ATP1B4: variants seen among roughly 807,000 people sequenced by gnomAD.
ATP1B4 encodes the protein ATPase Na+/K+ transporting family member beta 4.
A neutral mutation model predicts 29.6 loss-of-function variants in ATP1B4; 32 were observed. The observed-to-expected ratio is 1.08, with a 90% CI of 0.82 to 1.45. The LOEUF (loss-of-function observed/expected upper bound fraction) is 1.45, where lower values mean the gene tolerates loss of function less well. Among genes scored for constraint, ATP1B4 ranks in the 40% most tolerant of loss-of-function variants. The pLI is 0.00. For synonymous variants in ATP1B4, 127 were observed against 102.1 expected, an observed-to-expected ratio of 1.24 and a Z score of -1.47; for missense variants, 323 against 276.2, an observed-to-expected ratio of 1.17 and a Z score of -1.20.
Position 120,381,674 on chromosome X carries a change from C to A in ATP1B4, c.*2040C>A, listed in dbSNP as rs2058381759. On this transcript the variant is annotated 3_prime_UTR_variant, in exon 8 of 8. Coordinates refer to ENST00000218008, the MANE Select transcript of ATP1B4 (RefSeq NM_001142447.3). ...CCATGTTGGCCAGGCTGGTCTCGAA[C>A]TCCTGACCTCAAGTGATCCGCCTGC... The A allele has an allele frequency of 8.9e-6, 1 of 111,996 alleles. No homozygotes were observed. The highest frequency in any genetic ancestry group is 9.4e-5 in the Admixed American group (1 of 10,584). The allele number at this position is 111,996 out of a possible 1,213,427, so 9.2% of individuals were successfully genotyped here. A position where few individuals can be genotyped will look rare whatever the true frequency, so the allele number is the denominator to read the frequency against.
At chrX:120,367,890 C>T (rs1271987530) in intron 2 of ATP1B4, among the ~76,000 whole-genome samples, 1 of 111,435 alleles carries the variant, frequency 9.0e-6, no homozygotes. Context: ...GACCATCCCA[C>T]AAACTCTCAA....
Position 120,371,161 on chromosome X carries a change from A to T in ATP1B4, c.513A>T (p.Glu171Asp), listed in dbSNP as rs774417121. Residue 171 changes from glutamate to aspartate, a missense_variant, in exon 4 of 8, where the codon GAA becomes GAT. Physicochemically the swap from Glu to Asp is conservative, Grantham distance 45. Coordinates refer to ENST00000218008, the MANE Select transcript of ATP1B4 (RefSeq NM_001142447.3). ...HSLNFNFNVS[E>D]PDTWQHYVIS... ...TTAACTTCAACTTCAACGTTTCTGA[A>T]CCCGACACTTGGCAGCATTATGTGA... The T allele has an allele frequency of 8.3e-7, 1 of 1,209,507 alleles. No homozygotes were observed. Among genetic ancestry groups the T allele is most frequent in the Admixed American group, 2.2e-5 (1 of 45,660 alleles).
chrX:120,362,704 C>T (rs1294510604), intron 1 of ATP1B4, among the ~76,000 whole-genome samples: 1 of 111,706 alleles, frequency 9.0e-6, no homozygotes, highest in Non-Finnish European at 1.9e-5. Context: ...TAGCTAAAAT[C>T]ATAGAATCCC....
chrX:120,366,436 T>C, intron 1 of ATP1B4, 89 bp from the exon 2 acceptor site: 2 of 1,021,512 alleles, frequency 2.0e-6, no homozygotes, highest in Admixed American at 2.9e-5. Context: ...TCTCCAAATA[T>C]TGAGTCATTT....
chrX:120,380,703 C>T lies in ATP1B4; in HGVS notation c.*1069C>T, dbSNP rs1834145742. 1 of 112,280 alleles carries T rather than the reference C, an allele frequency of 8.9e-6. No individual in the cohort carries two copies. Among genetic ancestry groups the T allele is most frequent in the Admixed American group, 9.5e-5 (1 of 10,574 alleles). The allele number at this position is 112,280 out of a possible 1,213,427, so 9.3% of individuals were successfully genotyped here. On this transcript the variant is annotated 3_prime_UTR_variant, in exon 8 of 8. Transcript: ENST00000218008. Reference sequence around the variant, plus strand: ...CAGGGGTGGTTACATAGACCAGCAGCTACAGCTCTGGAAATTGAAATCATA... The same window carrying T: ...CAGGGGTGGTTACATAGACCAGCAGTTACAGCTCTGGAAATTGAAATCATA...
chrX:120,378,601 G>A (rs777609201), intron 6 of ATP1B4, 77 bp from the exon 7 acceptor site: 105 of 842,193 alleles, frequency 1.2e-4, no homozygotes, highest in Non-Finnish European at 1.8e-4. Context: ...GATTTCACCT[G>A]GGTACAACTC....
rs758708931 is a variant in ATP1B4, at chrX:120,365,896, A to G, written c.64-629A>G. Among the ~76,000 whole-genome samples, 6 of 111,919 alleles carry G rather than the reference A, an allele frequency of 5.4e-5. No homozygotes were observed. In the East Asian group the frequency reaches 1.7e-3, roughly 31 times the overall value. On this transcript the variant is annotated intron_variant, in intron 1 of 7. Transcript: ENST00000218008. ...AGCTCTCAGATGGTCTTTCCAACCAATTTAAGGTAGGAAGAGATTCAAACT... is the reference window on the plus strand; with the variant it reads ...AGCTCTCAGATGGTCTTTCCAACCAGTTTAAGGTAGGAAGAGATTCAAACT...
At chrX:120,367,319 A>G (rs932913459) in intron 2 of ATP1B4, among the ~76,000 whole-genome samples, 6 of 112,289 alleles carry the variant, frequency 5.3e-5, no homozygotes, top group Non-Finnish European at 1.1e-4. Flanking sequence ...ATGAGGCCCC[A>G]TCACCTGGTA....
Position 120,366,632 on chromosome X carries a change from GGAGGAGAAAGAA to G in ATP1B4, c.178_189del (p.Lys60_Glu63del). Reference sequence around the variant, plus strand: ...CCAAATCGGAGGAGGAGGAAGAAGAGGAGGAGAAAGAAGAGGAGGAAGAGGAGGAAAAGGAGG... The same window carrying G: ...CCAAATCGGAGGAGGAGGAAGAAGAGGAGGAGGAAGAGGAGGAAAAGGAGG... On this transcript the variant is annotated inframe_deletion, in exon 2 of 8. Transcript: ENST00000218008. 4 of 1,207,229 alleles carry G rather than the reference GGAGGAGAAAGAA, an allele frequency of 3.3e-6. No individual in the cohort carries two copies. The highest frequency in any genetic ancestry group is 4.5e-6 in the Non-Finnish European group (4 of 891,823).
chrX:120,379,555 A>C lies in ATP1B4; in HGVS notation c.995A>C (p.Lys332Thr). Reference sequence around the variant, plus strand: ...GCAGTGCCTGTGCAGTGCCAACTGAAGGGCAAAGGCGTCATAAATGATGTC... The same window carrying C: ...GCAGTGCCTGTGCAGTGCCAACTGACGGGCAAAGGCGTCATAAATGATGTC... ...NQAVPVQCQL[K>T]GKGVINDVIN... Residue 332 changes from lysine (K) to threonine (T), a missense_variant, in exon 8 of 8, where the codon AAG becomes ACG. Transcript: ENST00000218008. 8.3e-7 allele frequency: 1 copy of C among 1,211,397 alleles called. No individual in the cohort carries two copies. Among genetic ancestry groups the C allele is most frequent in the Non-Finnish European group, 1.1e-6 (1 of 895,173 alleles).
rs2147259767 is a variant in ATP1B4, at chrX:120,382,163, C to A, written c.*2529C>A. On this transcript the variant is annotated 3_prime_UTR_variant, in exon 8 of 8. Transcript: ENST00000218008. The stretch of plus-strand genomic sequence containing the variant: ...CCTAACAGTGTTTTTTCTCTTGTGG[C>A]AGAAAGAATTGCTGTTCCTCTTTGG... 9.0e-6 allele frequency: 1 copy of A among 111,398 alleles called. No homozygotes were observed. Among genetic ancestry groups the A allele is most frequent in the Non-Finnish European group, 1.9e-5 (1 of 53,076 alleles). The allele number at this position is 111,398 out of a possible 1,213,427, so 9.2% of individuals were successfully genotyped here.
chrX:120,375,342 A>C (rs764876218), intron 4 of ATP1B4, 30 bp from the exon 5 acceptor site: 1 of 1,176,689 alleles, frequency 8.5e-7, no homozygotes, highest in African/African-American at 1.8e-5. Context: ...CCTGTCTAAC[A>C]TAACCTGTTG....
In ATP1B4 at chrX:120,379,892, C is replaced by T. The variant is rs1261512253; in HGVS notation, c.*258C>T. On this transcript the variant is annotated 3_prime_UTR_variant, in exon 8 of 8. Coordinates refer to ENST00000218008, the MANE Select transcript of ATP1B4 (RefSeq NM_001142447.3). ...CACTTAAAACTAAAGCCTGTTCTTG[C>T]TGCTGGTAATCTCCCTGTAGCGTAA... 1 of 268,950 alleles carries T rather than the reference C, an allele frequency of 3.7e-6. No homozygotes were observed. Among genetic ancestry groups the T allele is most frequent in the Admixed American group, 6.5e-5 (1 of 15,458 alleles). The allele number at this position is 268,950 out of a possible 1,213,427, so 22.2% of individuals were successfully genotyped here.
chrX:120,377,015 AGC>A (rs1368970556), intron 6 of ATP1B4, among the ~76,000 whole-genome samples: 1 of 111,998 alleles, frequency 8.9e-6, no homozygotes, highest in Non-Finnish European at 1.9e-5. Flanking sequence ...TGTAGGAAAA[AGC>A]CCTTAGATCT....
chrX:120,367,435 G>A (rs189221336), intron 2 of ATP1B4, among the ~76,000 whole-genome samples: 3 of 111,692 alleles, frequency 2.7e-5, no homozygotes, highest in Non-Finnish European at 5.6e-5. Context: ...ATATTCCTTA[G>A]CATTTCCTCT....
Position 120,366,828 on chromosome X carries a change from T to G in ATP1B4, c.328+39T>G. ...GTCCCAATGCCAAAGTCTGGTGTCCTTTGCTTTTGGTGTGGTGTTCAGGGC... is the reference window on the plus strand; with the variant it reads ...GTCCCAATGCCAAAGTCTGGTGTCCGTTGCTTTTGGTGTGGTGTTCAGGGC... On this transcript the variant is annotated intron_variant, in intron 2 of 7. Coordinates refer to ENST00000218008, the MANE Select transcript of ATP1B4 (RefSeq NM_001142447.3). 2.5e-6 allele frequency: 3 copies of G among 1,188,745 alleles called. No homozygotes were observed. In the South Asian group the frequency reaches 5.6e-5, roughly 22 times the overall value.
Position 120,370,847 on chromosome X carries a change from A to T in ATP1B4, c.457+4A>T. ...ACGGAGCGGGTAAAGCCTCCTGGTG[A>T]GTGTGCCCAGATGCCCTGTGTTGTC... On this transcript the variant is annotated splice_donor_region_variant and intron_variant, in intron 3 of 7. Coordinates refer to ENST00000218008, the MANE Select transcript of ATP1B4 (RefSeq NM_001142447.3). The T allele has an allele frequency of 1.7e-6, 2 of 1,208,056 alleles. No homozygotes were observed. The highest frequency in any genetic ancestry group is 1.8e-5 in the South Asian group (1 of 55,915).
chrX:120,379,590 C>G lies in ATP1B4; in HGVS notation c.1030C>G (p.Arg344Gly), dbSNP rs748728819. The G allele has an allele frequency of 5.8e-6, 7 of 1,208,979 alleles. No homozygotes were observed. The highest frequency in any genetic ancestry group is 7.8e-6 in the Non-Finnish European group (7 of 894,723). Reference protein sequence around the residue: ...KGVINDVINDRFVGRVIFTLN... With the variant: ...KGVINDVINDGFVGRVIFTLN... Reference sequence around the variant, plus strand: ...CGTCATAAATGATGTCATCAATGATCGTTTTGTGGGCAGGGTAATCTTTAC... The same window carrying G: ...CGTCATAAATGATGTCATCAATGATGGTTTTGTGGGCAGGGTAATCTTTAC... The change falls in exon 8 of 8, where the codon CGT becomes GGT. Residue 344 changes from arginine to glycine, a missense_variant. Arg to Gly is a moderately radical substitution (Grantham distance 125). Coordinates refer to ENST00000218008, the MANE Select transcript of ATP1B4 (RefSeq NM_001142447.3).
chrX:120,376,146 G>A lies in ATP1B4; in HGVS notation c.760-234G>A, dbSNP rs372512106. ...TTTACATCTTTAGCATTGACTTGCT[G>A]ACGTTTCCCCTTGTGTGTAAATACC... On this transcript the variant is annotated intron_variant, in intron 5 of 7. Coordinates refer to ENST00000218008, the MANE Select transcript of ATP1B4 (RefSeq NM_001142447.3). Among the ~76,000 whole-genome samples, 18 of 111,102 alleles carry A rather than the reference G, an allele frequency of 1.6e-4. No individual in the cohort carries two copies. In the East Asian group the frequency reaches 2.2e-3, roughly 14 times the overall value.
Sources: allele counts gnomAD v4.1 joint callset (sites outside exome capture counted in the v4.1 genomes callset), GRCh38; gene constraint gnomAD v4.1.1; transcripts MANE v1.5; gene names NCBI Gene and HGNC (gene_info 2026-07-23, HGNC 2026-07-21).